NSF: variants seen among roughly 807,000 people sequenced by gnomAD.
The protein encoded by NSF is vesicle-fusing ATPase.
Under a neutral mutation model 50.3 loss-of-function variants are expected in NSF, and 14 were observed. The ratio of observed to expected loss-of-function variants is 0.28; its 90% CI spans 0.18 to 0.44. The LOEUF is 0.44. Ranked by LOEUF, NSF falls within the 20% of genes least tolerant of loss-of-function variation. The pLI, the probability that NSF is intolerant of heterozygous loss-of-function variation, is 1.00. For synonymous variants in NSF, 109 were observed against 175.7 expected (o/e 0.62, Z 3.00); for missense variants, 218 against 504.3 (o/e 0.43, Z 5.44).
chr17:46,745,956 C>T (rs2059123735), intron 17 of NSF, among the ~76,000 whole-genome samples: 1 of 152,150 alleles, frequency 6.6e-6, no homozygotes, highest in South Asian at 2.1e-4. Flanking sequence ...TGTCCTTCCC[C>T]TTCATCTTCC....
intron 18 of NSF, 61 bp from the exon 19 acceptor site, chr17:46,751,442 T>G: frequency 8.6e-7 from 1 of 1,166,268 alleles, no homozygotes; most frequent in Admixed American, 1.8e-5. Flanking sequence ...GTAAATAGAA[T>G]TAACCAATGT....
At chr17:46,715,383 C>A (rs2058758560) in intron 15 of NSF, among the ~76,000 whole-genome samples, 1 of 152,124 alleles carries the variant, frequency 6.6e-6, no homozygotes, top group Admixed American at 6.6e-5. Flanking sequence ...TAACCCACTT[C>A]TTCTGGTAAA....
chr17:46,713,864 A>G lies in NSF; in HGVS notation c.1639A>G (p.Ser547Gly), dbSNP rs374940105. Residue 547 changes from serine (S) to glycine (G), a missense_variant, in exon 15 of 21, where the codon AGT becomes GGT. Coordinates refer to ENST00000398238, the MANE Select transcript of NSF (RefSeq NM_006178.4). The stretch of plus-strand genomic sequence containing the variant: ...ATATCTTTATGCAGGCCCTCCTCAC[A>G]GTGGGAAGACTGCTTTAGCTGCAAA... ...VSVLLEGPPHSGKTALAAKIA... is the reference protein window; with the variant it reads ...VSVLLEGPPHGGKTALAAKIA... 6.2e-7 allele frequency: 1 copy of G among 1,611,554 alleles called. No individual in the cohort carries two copies. Among genetic ancestry groups the G allele is most frequent in the Non-Finnish European group, 8.5e-7 (1 of 1,179,380 alleles).
chr17:46,642,225 T>C (rs915671278), intron 7 of NSF, among the ~76,000 whole-genome samples: 2 of 111,146 alleles, frequency 1.8e-5, no homozygotes, highest in Non-Finnish European at 3.8e-5. Flanking sequence ...ATTGTATATA[T>C]TTATAGGGTA....
intron 18 of NSF, 84 bp from the exon 19 acceptor site, chr17:46,751,419 T>C: frequency 1.0e-6 from 1 of 974,130 alleles, no homozygotes; most frequent in Non-Finnish European, 1.6e-6. Flanking sequence ...TTCTTATCAC[T>C]CTTCTTTTAA....
Position 46,755,867 on chromosome 17 carries a change from A to AG in NSF, c.*46dup. 6.3e-7 allele frequency: 1 copy of AG among 1,594,322 alleles called. No individual in the cohort carries two copies. Among genetic ancestry groups the AG allele is most frequent in the Non-Finnish European group, 8.6e-7 (1 of 1,166,428 alleles). On this transcript the variant is annotated 3_prime_UTR_variant, in exon 21 of 21. Transcript: ENST00000398238. ...ACACAGTGACCAAGGGAAGTGACCA[A>AG]GGTGAAGATGGCCTAGGATCTTCAC...
intron 9 of NSF, among the ~76,000 whole-genome samples, chr17:46,679,841 G>A (rs2058437246): frequency 6.6e-6 from 1 of 151,590 alleles, no homozygotes; most frequent in African/African-American, 2.4e-5. Flanking sequence ...AGGCAAGAAA[G>A]AAATAACAAG....
chr17:46,715,320 A>G lies in NSF; in HGVS notation c.1761+1334A>G, dbSNP rs2058757657. Among the ~76,000 whole-genome samples, 9 of 152,322 alleles carry G rather than the reference A, an allele frequency of 5.9e-5. No homozygotes were observed. The South Asian group carries it at 1.9e-3, about 32-fold the overall frequency. On this transcript the variant is annotated intron_variant, in intron 15 of 20. Coordinates refer to ENST00000398238, the MANE Select transcript of NSF (RefSeq NM_006178.4). ...TAACTGGGACCAGTGATTTCCCTAG[A>G]GTAGGTAGGGCTGTTTTTCTTTGTT...
intron 13 of NSF, among the ~76,000 whole-genome samples, chr17:46,707,355 T>C (rs2058667143): frequency 6.6e-6 from 1 of 152,206 alleles, no homozygotes; most frequent in Non-Finnish European, 1.5e-5. Flanking sequence ...TATATACTCT[T>C]TTTTTCTCAA....
intron 15 of NSF, chr17:46,721,801 C>T: frequency 6.2e-7 from 1 of 1,601,146 alleles, no homozygotes; most frequent in Non-Finnish European, 8.6e-7. Flanking sequence ...GCACAGCTGT[C>T]AGAGTACGGC....
At chr17:46,741,923 G>A (rs1235604029) in intron 17 of NSF, among the ~76,000 whole-genome samples, 1 of 152,126 alleles carries the variant, frequency 6.6e-6, no homozygotes, top group Non-Finnish European at 1.5e-5. Context: ...GTGCCACCAC[G>A]CCTGGCTAAT....
chr17:46,602,753 C>T (rs1328332439), intron 1 of NSF, among the ~76,000 whole-genome samples: 1 of 147,542 alleles, frequency 6.8e-6, no homozygotes, highest in Non-Finnish European at 1.5e-5. Flanking sequence ...TTTAATTATC[C>T]TGACTATTTT....
chr17:46,609,482 C>T (rs1302891092), intron 1 of NSF, among the ~76,000 whole-genome samples: 1 of 151,846 alleles, frequency 6.6e-6, no homozygotes, highest in East Asian at 1.9e-4. Flanking sequence ...AATATTTGTT[C>T]TATGGAAAAG....
intron 13 of NSF, among the ~76,000 whole-genome samples, chr17:46,707,868 C>T (rs1364131625): frequency 2.0e-5 from 3 of 151,924 alleles, no homozygotes; most frequent in Non-Finnish European, 4.4e-5. Flanking sequence ...CCCATCTCTA[C>T]TAAAAAATAC....
chr17:46,733,858 T>G (rs2058974362), intron 17 of NSF, among the ~76,000 whole-genome samples: 1 of 152,192 alleles, frequency 6.6e-6, no homozygotes, highest in African/African-American at 2.4e-5. Flanking sequence ...TGGCTAAATT[T>G]TATGATGTTG....
At chr17:46,747,213 A>G (rs2059138290) in intron 17 of NSF, among the ~76,000 whole-genome samples, 1 of 152,234 alleles carries the variant, frequency 6.6e-6, no homozygotes, top group African/African-American at 2.4e-5. Context: ...AATTGGAAAA[A>G]GGGGCAAGTC....
chr17:46,715,904 T>C (rs1201153366), intron 15 of NSF, among the ~76,000 whole-genome samples: 3 of 152,218 alleles, frequency 2.0e-5, no homozygotes, highest in Non-Finnish European at 4.4e-5. Flanking sequence ...CATGATTCAC[T>C]GTCCGGATCA....
chr17:46,745,828 C>T (rs1220360898), intron 17 of NSF, among the ~76,000 whole-genome samples: 1 of 152,196 alleles, frequency 6.6e-6, no homozygotes, highest in Non-Finnish European at 1.5e-5. Flanking sequence ...AATATAACAG[C>T]ACCACTTTTT....
intron 17 of NSF, among the ~76,000 whole-genome samples, chr17:46,743,218 G>T (rs771737767): frequency 3.3e-5 from 5 of 152,128 alleles, no homozygotes; most frequent in African/African-American, 4.8e-5. Flanking sequence ...GTCATTTGCT[G>T]CCAGTGCCCT....
Sources: allele counts gnomAD v4.1 joint callset (sites outside exome capture counted in the v4.1 genomes callset), GRCh38; gene constraint gnomAD v4.1.1; transcripts MANE v1.5; gene names NCBI Gene and HGNC (gene_info 2026-07-23, HGNC 2026-07-21).